Variants in PSMG2 observed in about 807,000 individuals in gnomAD.
PSMG2 encodes CD40 ligand-activated specific transcript 3.
Under a neutral mutation model 31.5 loss-of-function variants are expected in PSMG2, and 21 were observed. That is an observed-to-expected ratio of 0.67 (90% CI 0.47 to 0.96). PSMG2 has a LOEUF of 0.96. Ranked by LOEUF, PSMG2 falls within the 40% of genes least tolerant of loss-of-function variation. PSMG2 has a pLI of 0.00. For synonymous variants in PSMG2, 120 were observed against 110.4 expected (o/e 1.09, Z -0.54); for missense variants, 318 against 321.2 (o/e 0.99, Z 0.08).
At chr18:12,725,048 A>T (rs2040463827) in intron 6 of PSMG2, among the ~76,000 whole-genome samples, 1 of 152,254 alleles carries the variant, frequency 6.6e-6, no homozygotes, top group Non-Finnish European at 1.5e-5. Flanking sequence ...CACCCAGGGA[A>T]GTGAGTTAGC....
chr18:12,664,391 A>T (rs1370158194), intron 1 of PSMG2, among the ~76,000 whole-genome samples: 1 of 151,700 alleles, frequency 6.6e-6, no homozygotes, highest in Non-Finnish European at 1.5e-5. Context: ...ACAAAATTAA[A>T]ATACAAAAAT....
chr18:12,717,273 G>A (rs948319), intron 3 of PSMG2, among the ~76,000 whole-genome samples: 57,643 of 151,962 alleles, frequency 0.38, 11,481 homozygotes, highest in Non-Finnish European at 0.45. Flanking sequence ...CTTAACTGCT[G>A]CACTAGACTA....
At chr18:12,669,343 C>T (rs2038881831) in intron 1 of PSMG2, among the ~76,000 whole-genome samples, 1 of 151,854 alleles carries the variant, frequency 6.6e-6, no homozygotes, top group African/African-American at 2.4e-5. Context: ...AACTCCTGAC[C>T]TCAGGTGATC....
upstream of PSMG2, among the ~76,000 whole-genome samples, chr18:12,701,542 T>C (rs1025817569): frequency 3.3e-5 from 5 of 152,130 alleles, no homozygotes; most frequent in African/African-American, 1.2e-4. Context: ...CCGATAAGAA[T>C]GGAAAAACCT....
In PSMG2 at chr18:12,680,799, C is replaced by T. The variant is rs752162912; in HGVS notation, c.-37+22026C>T. ...ATCCATATCCAAGAAGAAGGCTGCA[C>T]AGAAGGTTAGCGTGATCTTCACAGT... On this transcript the variant is annotated intron_variant, in intron 1 of 6. Transcript: ENST00000585331. The T allele has an allele frequency of 1.3e-5, 21 of 1,612,864 alleles. 1 individual carries two copies. In the South Asian group the frequency reaches 2.1e-4, roughly 16 times the overall value.
At chr18:12,670,362 A>G (rs899963485) in intron 1 of PSMG2, 4 of 152,200 alleles carry the variant, frequency 2.6e-5, no homozygotes, top group African/African-American at 9.7e-5. Flanking sequence ...GCAGACTTCT[A>G]GTGGTAAATG....
At chr18:12,708,407 C>T (rs904674637) in intron 2 of PSMG2, among the ~76,000 whole-genome samples, 5 of 151,856 alleles carry the variant, frequency 3.3e-5, no homozygotes, top group Non-Finnish European at 5.9e-5. Flanking sequence ...TCTTGTTGCC[C>T]GGGCTGGAGT....
At chr18:12,690,739 GC>G (rs770049155) in intron 1 of PSMG2, among the ~76,000 whole-genome samples, 2 of 152,184 alleles carry the variant, frequency 1.3e-5, no homozygotes, top group Non-Finnish European at 2.9e-5. Flanking sequence ...ACAGGCGTGA[GC>G]CACCGCGCCT....
chr18:12,675,092 T>TTTGAGATATC (rs2039074819), intron 1 of PSMG2, among the ~76,000 whole-genome samples: 1 of 152,076 alleles, frequency 6.6e-6, no homozygotes, highest in Non-Finnish European at 1.5e-5. Flanking sequence ...TTTGAGATAT[T>TTTGAGATATC]TTACTTAACT....
chr18:12,673,187 A>T, intron 1 of PSMG2: 1 of 1,287,386 alleles, frequency 7.8e-7, no homozygotes, highest in Non-Finnish European at 9.9e-7. Flanking sequence ...TTCAGCCTTA[A>T]TTTTTAAAGG....
chr18:12,674,804 A>C, intron 1 of PSMG2: 1 of 1,145,602 alleles, frequency 8.7e-7, no homozygotes, highest in Non-Finnish European at 1.2e-6. Context: ...AATATTTTTA[A>C]AACCAACTAA....
At chr18:12,678,328 A>G (rs749956570) in intron 1 of PSMG2, 14 of 1,614,032 alleles carry the variant, frequency 8.7e-6, no homozygotes, top group Middle Eastern at 1.6e-4. Context: ...AGGGTTGACA[A>G]TTTCCCAGGA....
intron 1 of PSMG2, among the ~76,000 whole-genome samples, chr18:12,696,343 A>C (rs778123188): frequency 2.0e-5 from 3 of 152,130 alleles, no homozygotes; most frequent in Non-Finnish European, 4.4e-5. Flanking sequence ...TCTCTACTAA[A>C]AATACAAAAA....
chr18:12,673,522 A>T (rs762653437), intron 1 of PSMG2: 5 of 1,538,714 alleles, frequency 3.2e-6, no homozygotes, highest in Non-Finnish European at 4.4e-6. Context: ...GAAAAAAAAA[A>T]TTATTCAATT....
chr18:12,673,021 A>G (rs1391043458), intron 1 of PSMG2: 2 of 1,012,698 alleles, frequency 2.0e-6, no homozygotes, highest in African/African-American at 1.7e-5. Flanking sequence ...TCAAACCCTT[A>G]GACAAACATC....
At chr18:12,691,156 G>A (rs1427070012) in intron 1 of PSMG2, 2 of 404,378 alleles carry the variant, frequency 4.9e-6, no homozygotes, top group Non-Finnish European at 8.6e-6. Context: ...CACAATAACT[G>A]AAATTGAAAG....
chr18:12,672,561 A>AAG (rs2038975591), intron 1 of PSMG2: 1 of 700,358 alleles, frequency 1.4e-6, no homozygotes, highest in Non-Finnish European at 1.8e-6. Flanking sequence ...CAATGAAAGA[A>AAG]AAAAGGGTTT....
intron 1 of PSMG2, among the ~76,000 whole-genome samples, chr18:12,681,837 A>T (rs997651458): frequency 6.6e-6 from 1 of 152,104 alleles, no homozygotes; most frequent in Non-Finnish European, 1.5e-5. Flanking sequence ...CTATAAAAAA[A>T]TAGAAAATAT....
rs2039749223 is a variant in PSMG2, at chr18:12,691,216, A to G, written c.-36-15334A>G. The G allele has an allele frequency of 9.3e-6, 5 of 539,218 alleles. No homozygotes were observed. In the South Asian group the frequency reaches 1.5e-4, roughly 16 times the overall value. The allele number at this position is 539,218 out of a possible 1,614,324, so 33.4% of individuals were successfully genotyped here. A position where few individuals can be genotyped will look rare whatever the true frequency, so the allele number is the denominator to read the frequency against. ...GCCACTCACTATGCAGTGAAAGAGA[A>G]TATTACAAAATCAGCATTTTATTTT... On this transcript the variant is annotated intron_variant, in intron 1 of 6. Coordinates refer to the PSMG2 transcript ENST00000585331.
Sources: gnomAD v4.1 joint callset for allele counts (sites outside exome capture counted in the v4.1 genomes callset) on GRCh38, gnomAD v4.1.1 for gene constraint, MANE v1.5 for transcripts, NCBI Gene and HGNC (gene_info 2026-07-23, HGNC 2026-07-21) for gene names.